Variants in GALNT9 observed in about 807,000 individuals in gnomAD.
GALNT9 encodes GalNAc transferase 9.
GALNT9 carries 47 observed loss-of-function variants against 63.1 expected under a neutral mutation model. That is an observed-to-expected ratio of 0.75 (90% CI 0.59 to 0.95). The LOEUF is 0.95. GALNT9 is among the 40% of genes least tolerant of loss of function. The pLI is 0.00. For missense variants in GALNT9, 829 were observed against 874.8 expected (o/e 0.95, Z 0.66); for synonymous variants, 396 against 365.7 (o/e 1.08, Z -0.94).
chr12:132,264,947 T>C (rs1671443034), intron 2 of GALNT9, among the ~76,000 whole-genome samples: 1 of 152,042 alleles, frequency 6.6e-6, no homozygotes, highest in African/African-American at 2.4e-5. Flanking sequence ...TCCGGCACAA[T>C]GAGGATCCCA....
chr12:132,197,239 C>T lies in GALNT9; in HGVS notation c.1680G>A (p.Val560=). 6.2e-7 allele frequency: 1 copy of T among 1,612,678 alleles called. No homozygotes were observed. The highest frequency in any genetic ancestry group is 1.1e-5 in the South Asian group (1 of 91,086). ...CCAGGCAGCGGCCCGTGGCCCGGCTCACAATGGGGCCACTCTGTGGGGACA... is the reference window on the plus strand; with the variant it reads ...CCAGGCAGCGGCCCGTGGCCCGGCTTACAATGGGGCCACTCTGTGGGGACA... ...LWDFTQSGPI[V]SRATGRCLEV... Residue 560 remains valine (V), a synonymous_variant, in exon 11 of 11, where the codon GTG becomes GTA. Transcript: ENST00000328957.
chr12:132,304,339 G>A (rs371775714), intron 1 of GALNT9, among the ~76,000 whole-genome samples: 3,513 of 34,364 alleles, frequency 0.1, 20 homozygotes, highest in East Asian at 0.24. Context: ...ACACACCCTC[G>A]CCTGGGCACA....
chr12:132,327,522 A>C lies in GALNT9; in HGVS notation c.238+1444T>G, dbSNP rs373080561. 1.8e-4 allele frequency among the ~76,000 whole-genome samples: 28 copies of C among 152,192 alleles called. No individual in the cohort carries two copies. Among genetic ancestry groups the C allele is most frequent in the African/African-American group, 6.7e-4 (28 of 41,526 alleles). ...TCCTCTGGCTCTCCCCATAAAACAG[A>C]CCATAACACCATGGCGAGCACACTT... On this transcript the variant is annotated intron_variant, in intron 1 of 10. Coordinates refer to ENST00000328957, the MANE Select transcript of GALNT9 (RefSeq NM_001122636.2). This position sits in a 1 kb window ranked among gnomAD's most constrained non-coding sequence, Gnocchi z 4.3.
intron 1 of GALNT9, among the ~76,000 whole-genome samples, chr12:132,314,335 CTCTT>C (rs1185891402): frequency 6.6e-6 from 1 of 152,228 alleles, no homozygotes; most frequent in Non-Finnish European, 1.5e-5. Context: ...CACTTGAACT[CTCTT>C]TCTGTCTCCA....
intron 1 of GALNT9, among the ~76,000 whole-genome samples, chr12:132,314,399 C>A (rs543011529): frequency 9.9e-5 from 15 of 152,116 alleles, no homozygotes; most frequent in African/African-American, 3.6e-4. Flanking sequence ...CTCTGCCAAG[C>A]GCTTCATATG....
In GALNT9 at chr12:132,319,193, G is replaced by C. The variant is rs1868664141; in HGVS notation, c.238+9773C>G. ...GCCTTGGATGCCCAGGTGGCTGGAA[G>C]TATTGCTTCCAGGTGCGTCTGTGCG... is the stretch of plus-strand genomic sequence containing the variant. On this transcript the variant is annotated intron_variant, in intron 1 of 10. Coordinates refer to ENST00000328957, the MANE Select transcript of GALNT9 (RefSeq NM_001122636.2). The surrounding 1 kb of genome is among the most constrained non-coding windows in gnomAD (Gnocchi z 5.2). Among the ~76,000 whole-genome samples, 1 of 152,334 alleles carries C rather than the reference G, an allele frequency of 6.6e-6. No homozygotes were observed. Among genetic ancestry groups the C allele is most frequent in the East Asian group, 1.9e-4 (1 of 5,186 alleles).
At chr12:132,226,208 A>G (rs1442892585) in intron 6 of GALNT9, among the ~76,000 whole-genome samples, 1 of 142,266 alleles carries the variant, frequency 7.0e-6, no homozygotes, top group Non-Finnish European at 1.5e-5. Context: ...CACACTGTAC[A>G]TACACAACCC....
chr12:132,301,778 T>C (rs1252011545), intron 1 of GALNT9, among the ~76,000 whole-genome samples: 1 of 152,242 alleles, frequency 6.6e-6, no homozygotes, highest in Non-Finnish European at 1.5e-5. Context: ...GGCAGGTGAT[T>C]TGGATGCGGC....
Position 132,257,849 on chromosome 12 carries a change from G to C in GALNT9, c.799C>G (p.Arg267Gly). 6.5e-7 allele frequency: 1 copy of C among 1,548,932 alleles called. No homozygotes were observed. Residue 267 changes from arginine (R) to glycine (G), a missense_variant, in exon 5 of 11, where the codon CGT (arginine) becomes GGT (glycine). Transcript: ENST00000328957. ...TCGATGGCTGGCAGCACGATGCGACGCCGGTCCTCTCGGATCCGCGACAGT... is the reference window on the plus strand; with the variant it reads ...TCGATGGCTGGCAGCACGATGCGACCCCGGTCCTCTCGGATCCGCGACAGT... ...PALSRIREDR[R>G]RIVLPAIDNI...
At position 132,229,867 on chromosome 12, in the gene GALNT9, C is replaced by T. The variant is rs937561120; in HGVS notation, c.1077+18043G>A. Reference sequence around the variant, plus strand: ...AGCCGGGGCTGTGAGAAGCTAGGAGCTTGCCCAAGGTCACCGTCCGTCGGT... The same window carrying T: ...AGCCGGGGCTGTGAGAAGCTAGGAGTTTGCCCAAGGTCACCGTCCGTCGGT... On this transcript the variant is annotated intron_variant, in intron 6 of 10. Coordinates refer to ENST00000328957, the MANE Select transcript of GALNT9 (RefSeq NM_001122636.2). 1.9e-3 allele frequency among the ~76,000 whole-genome samples: 297 copies of T among 152,346 alleles called. 2 individuals carry two copies. The highest frequency in any genetic ancestry group is 6.7e-3 in the African/African-American group (279 of 41,582).
chr12:132,298,651 A>T (rs973965984), intron 1 of GALNT9, among the ~76,000 whole-genome samples: 3 of 147,766 alleles, frequency 2.0e-5, no homozygotes, highest in Non-Finnish European at 4.5e-5. Context: ...GAGATAACTC[A>T]CTCCCATAAC....
At position 132,286,155 on chromosome 12, in the gene GALNT9, C is replaced by A; in HGVS notation, c.419+95G>T. ...CGGGCGTGGGGGCCGCTCACTTCCC[C>A]GGCCGGCGTGGGGGGCAGTCACTTC... On this transcript the variant is annotated intron_variant, in intron 2 of 10. Transcript: ENST00000328957. The surrounding 1 kb of genome is among the most constrained non-coding windows in gnomAD (Gnocchi z 7.4). 1 of 1,371,644 alleles carries A rather than the reference C, an allele frequency of 7.3e-7. No homozygotes were observed. The highest frequency in any genetic ancestry group is 9.6e-7 in the Non-Finnish European group (1 of 1,044,808). The allele number at this position is 1,371,644 out of a possible 1,614,324, so 85.0% of individuals were successfully genotyped here.
rs940363171 is a variant in GALNT9, at chr12:132,260,859, G to A, written c.761+89C>T. 6.4e-5 allele frequency: 92 copies of A among 1,431,834 alleles called. No homozygotes were observed. In the Middle Eastern group the frequency reaches 1.1e-3, roughly 18 times the overall value. The allele number at this position is 1,431,834 out of a possible 1,614,324, so 88.7% of individuals were successfully genotyped here. On this transcript the variant is annotated intron_variant, in intron 4 of 10. Coordinates refer to ENST00000328957, the MANE Select transcript of GALNT9 (RefSeq NM_001122636.2). ...CTCCCAGCCCCGGGGCCAACCCAGC[G>A]GCCAGGCTGCAGCCGCACGGCGGCT...
intron 1 of GALNT9, among the ~76,000 whole-genome samples, chr12:132,299,907 C>T (rs1175184581): frequency 4.8e-5 from 7 of 146,086 alleles, no homozygotes; most frequent in Non-Finnish European, 7.5e-5. Context: ...ACACCTAACC[C>T]ATCCCTGAGA....
At chr12:132,271,747 A>C (rs1555240745) in intron 2 of GALNT9, among the ~76,000 whole-genome samples, 1 of 152,146 alleles carries the variant, frequency 6.6e-6, no homozygotes. Context: ...GTCCCAAGTC[A>C]ACAGGGCCAG....
chr12:132,201,520 C>T (rs556091342), intron 7 of GALNT9, among the ~76,000 whole-genome samples: 136 of 152,322 alleles, frequency 8.9e-4, no homozygotes, highest in East Asian at 2.1e-3. Flanking sequence ...CTGCTGCAGC[C>T]GGCTCGTCCA....
intron 6 of GALNT9, among the ~76,000 whole-genome samples, chr12:132,241,010 A>ATACCCAT (rs1555237007): frequency 4.3e-5 from 6 of 138,280 alleles, no homozygotes; most frequent in Admixed American, 7.1e-5. Flanking sequence ...GGCCCTCCCT[A>ATACCCAT]TACCCATTAC....
At position 132,274,871 on chromosome 12, in the gene GALNT9, A is replaced by G. The variant is rs531393767; in HGVS notation, c.419+11379T>C. ...ACACATGCACAGACACTACACATCTATGAACATACCACGTGCACACAGGAT... is the reference window on the plus strand; with the variant it reads ...ACACATGCACAGACACTACACATCTGTGAACATACCACGTGCACACAGGAT... On this transcript the variant is annotated intron_variant, in intron 2 of 10. Coordinates refer to ENST00000328957, the MANE Select transcript of GALNT9 (RefSeq NM_001122636.2). The G allele has an allele frequency of 2.6e-5, 4 of 152,328 alleles. No homozygotes were observed. The South Asian group carries it at 8.3e-4, about 32-fold the overall frequency. 9.4% of individuals were successfully genotyped at this position (152,328 alleles called of 1,614,324 possible).
intron 6 of GALNT9, among the ~76,000 whole-genome samples, chr12:132,230,197 C>T (rs1179279131): frequency 2.6e-5 from 4 of 152,268 alleles, no homozygotes; most frequent in South Asian, 2.1e-4. Flanking sequence ...CTGAACCCTC[C>T]GGAGTCCACG....
Sources: gnomAD v4.1 joint callset for allele counts (sites outside exome capture counted in the v4.1 genomes callset) on GRCh38, gnomAD v4.1.1 for gene constraint, Gnocchi (gnomAD v3.1) non-coding constraint, MANE v1.5 for transcripts, NCBI Gene and HGNC (gene_info 2026-07-23, HGNC 2026-07-21) for gene names.